KRT82: variants seen among roughly 807,000 people sequenced by gnomAD.
KRT82 encodes the protein keratin, type II cuticular Hb2.
A neutral mutation model predicts 48.0 loss-of-function variants in KRT82; 44 were observed. The ratio of observed to expected loss-of-function variants is 0.92; its 90% CI spans 0.72 to 1.18. KRT82 has a LOEUF of 1.18. KRT82 is among the 50% of genes most tolerant of loss of function. The probability of loss-of-function intolerance (pLI) is 0.00; values close to 1 mark genes in which losing one functional copy is unlikely to be tolerated. For synonymous variants in KRT82, 297 were observed against 278.3 expected (o/e 1.07, Z -0.67); for missense variants, 701 against 671.4 (o/e 1.04, Z -0.49).
At chr12:52,395,670 G>T in intron 8 of KRT82, 89 bp downstream of exon 8, 2 of 948,728 alleles carry the variant, frequency 2.1e-6, no homozygotes, top group South Asian at 1.6e-5. Context: ...AGGCATCAGA[G>T]GTCTAGGAAG....
Position 52,394,746 on chromosome 12 carries a change from C to T in KRT82, c.*229G>A. ...GCTCTTTCTCTGCCGTCTGTCCCCA[C>T]CATCTGGGCCTAGCTGAGGGTCTGC... On this transcript the variant is annotated 3_prime_UTR_variant, in exon 9 of 9. Coordinates refer to ENST00000257974, the MANE Select transcript of KRT82 (RefSeq NM_033033.4). 1 of 589,786 alleles carries T rather than the reference C, an allele frequency of 1.7e-6. No homozygotes were observed. Among genetic ancestry groups the T allele is most frequent in the East Asian group, 2.8e-5 (1 of 35,614 alleles). 36.5% of individuals were successfully genotyped at this position (589,786 alleles called of 1,614,324 possible).
chr12:52,394,945 G>T lies in KRT82; in HGVS notation c.*30C>A, dbSNP rs1434281267. On this transcript the variant is annotated 3_prime_UTR_variant, in exon 9 of 9. Coordinates refer to ENST00000257974, the MANE Select transcript of KRT82 (RefSeq NM_033033.4). ...GTGACATCCAGGGCCATGGGGCAGG[G>T]GCTCTGTCTCCTGGATGTCTCGGAT... 1 of 1,586,630 alleles carries T rather than the reference G, an allele frequency of 6.3e-7. No individual in the cohort carries two copies. The highest frequency in any genetic ancestry group is 8.7e-7 in the Non-Finnish European group (1 of 1,155,492).
intron 6 of KRT82, 135 bp from the exon 7 acceptor site, chr12:52,396,367 C>T: frequency 1.3e-6 from 1 of 781,330 alleles, no homozygotes; most frequent in South Asian, 1.8e-5. Context: ...ATTGCGACAT[C>T]TGGTTCCTCC....
In KRT82 at chr12:52,400,050, T is replaced by C; in HGVS notation, c.877A>G (p.Lys293Glu). 1 of 1,614,196 alleles carries C rather than the reference T, an allele frequency of 6.2e-7. No homozygotes were observed. Among genetic ancestry groups the C allele is most frequent in the South Asian group, 1.1e-5 (1 of 91,082 alleles). The change falls in exon 5 of 9, where the codon AAG becomes GAG. Residue 293 changes from lysine (K) to glutamate (E), a missense_variant. Lys to Glu is a moderately conservative substitution (Grantham distance 56, BLOSUM62 1). Transcript: ENST00000257974. ...LDVDGIIAEIKAQYDDIASRS... is the reference protein window; with the variant it reads ...LDVDGIIAEIEAQYDDIASRS... ...CTGGCGATGTCGTCATACTGCGCCT[T>C]GATCTCAGCGATGATGCCGTCCACG...
rs566803673 is a variant in KRT82, at chr12:52,401,391, G to A, written c.621-42C>T. ...GAAAAAATGCTTTAGTCGGGCTTGTGGATTTTGGAAGAGATCTTGGCATCA... is the reference window on the plus strand; with the variant it reads ...GAAAAAATGCTTTAGTCGGGCTTGTAGATTTTGGAAGAGATCTTGGCATCA... On this transcript the variant is annotated intron_variant, in intron 2 of 8. Transcript: ENST00000257974. 7 of 1,601,318 alleles carry A rather than the reference G, an allele frequency of 4.4e-6. No homozygotes were observed. The African/African-American group carries it at 8.0e-5, about 18-fold the overall frequency.
At chr12:52,395,288 T>C in intron 8 of KRT82, 93 bp from the exon 9 acceptor site, 3 of 994,644 alleles carry the variant, frequency 3.0e-6, no homozygotes, top group Non-Finnish European at 4.5e-6. Flanking sequence ...TCCTCCCACC[T>C]CCTGCCACTC....
At chr12:52,396,371 T>A in intron 6 of KRT82, 139 bp from the exon 7 acceptor site, 1 of 758,792 alleles carries the variant, frequency 1.3e-6, no homozygotes, top group Non-Finnish European at 2.1e-6. Flanking sequence ...CGACATCTGG[T>A]TCCTCCAGGG....
chr12:52,402,356 C>T (rs970816913), intron 2 of KRT82: 9 of 152,392 alleles, frequency 5.9e-5, no homozygotes, highest in Admixed American at 1.3e-4. Context: ...CTTAATCTCA[C>T]CTTGCTACTC....
chr12:52,400,841 T>C (rs1338680253), intron 3 of KRT82, among the ~76,000 whole-genome samples: 1 of 152,138 alleles, frequency 6.6e-6, no homozygotes, highest in Non-Finnish European at 1.5e-5. Context: ...GGGGCTTAAA[T>C]GAGCCTTAGC....
chr12:52,398,424 G>A (rs761865633), intron 5 of KRT82, among the ~76,000 whole-genome samples: 9 of 151,892 alleles, frequency 5.9e-5, no homozygotes, highest in Non-Finnish European at 1.3e-4. Context: ...GTGTCATCCT[G>A]GGCAGTCTAT....
In KRT82 at chr12:52,406,053, CAGGGTACCTCCACACCTGGAGGCT is replaced by C; in HGVS notation, c.201_224del (p.Ala68_Leu75del). 1 of 1,614,092 alleles carries C rather than the reference CAGGGTACCTCCACACCTGGAGGCT, an allele frequency of 6.2e-7. No individual in the cohort carries two copies. ...CTCCCAGTCGGTACCCGAAGCCAGG[CAGGGTACCTCCACACCTGGAGGCT>C]ACCCGGGGCCTCCCAAAGCCCACGT... On this transcript the variant is annotated inframe_deletion, in exon 1 of 9. Transcript: ENST00000257974.
chr12:52,395,807 A>G lies in KRT82; in HGVS notation c.1290-17T>C. On this transcript the variant is annotated splice_polypyrimidine_tract_variant and intron_variant, in intron 7 of 8. Coordinates refer to ENST00000257974, the MANE Select transcript of KRT82 (RefSeq NM_033033.4). ...TCGCACAGCCTGGGGATGAGAGGAA[A>G]AAGAAAACAGGTATCTACATCAAAC... The G allele has an allele frequency of 1.3e-6, 2 of 1,541,058 alleles. No individual in the cohort carries two copies. The highest frequency in any genetic ancestry group is 1.7e-6 in the Non-Finnish European group (2 of 1,144,340).
At chr12:52,404,793 A>T (rs1939831584) in intron 1 of KRT82, among the ~76,000 whole-genome samples, 1 of 152,254 alleles carries the variant, frequency 6.6e-6, no homozygotes, top group African/African-American at 2.4e-5. Context: ...ATAAAACTGT[A>T]AGTTTGACTA....
intron 8 of KRT82, among the ~76,000 whole-genome samples, 190 bp from the exon 9 acceptor site, chr12:52,395,385 C>A (rs528776655): frequency 2.6e-5 from 4 of 152,298 alleles, no homozygotes; most frequent in Non-Finnish European, 5.9e-5. Flanking sequence ...CCATGCACCT[C>A]TCTCCTTTCC....
chr12:52,399,883 A>G, intron 5 of KRT82, 102 bp downstream of exon 5: 1 of 1,242,030 alleles, frequency 8.1e-7, no homozygotes, highest in Non-Finnish European at 1.1e-6. Flanking sequence ...CGTGGCTCTC[A>G]TTAGCTCCTC....
At position 52,396,998 on chromosome 12, in the gene KRT82, A is replaced by C. The variant is rs1455983989; in HGVS notation, c.953T>G (p.Leu318Arg). Reference protein sequence around the residue: ...EAWYQCRYEELRVTAGNHCDN... With the variant: ...EAWYQCRYEERRVTAGNHCDN... ...ACAGTGGTTCCCAGCTGTGACTCTC[A>C]GCTCCTCATACTGCCAGGACAGAGA... The change falls in exon 6 of 9, where the codon CTG becomes CGG. Residue 318 changes from leucine (L) to arginine (R), a missense_variant. By Grantham distance (102) the Leu-to-Arg change is moderately radical. Transcript: ENST00000257974. The C allele has an allele frequency of 6.2e-7, 1 of 1,613,826 alleles. No individual in the cohort carries two copies. Among genetic ancestry groups the C allele is most frequent in the Admixed American group, 1.7e-5 (1 of 60,020 alleles).
chr12:52,396,818 A>G, intron 6 of KRT82, 65 bp downstream of exon 6: 1 of 1,597,782 alleles, frequency 6.3e-7, no homozygotes, highest in African/African-American at 1.3e-5. Flanking sequence ...CCCGCCCTGC[A>G]CGGCACAGAC....
intron 1 of KRT82, among the ~76,000 whole-genome samples, chr12:52,405,409 C>G (rs182497657): frequency 8.0e-4 from 122 of 152,280 alleles, no homozygotes; most frequent in Middle Eastern, 3.4e-3. Context: ...TCCTCTCATC[C>G]CAGGCCTAAA....
In KRT82 at chr12:52,394,304, G is replaced by A. The variant is rs1791636; in HGVS notation, c.*671C>T. On this transcript the variant is annotated 3_prime_UTR_variant, in exon 9 of 9. Coordinates refer to ENST00000257974, the MANE Select transcript of KRT82 (RefSeq NM_033033.4). ...CCTTTGCCCTTTGTTCTAGGCATTG[G>A]CCTGACATCACCTGCCAATGTGAGC... is the stretch of plus-strand genomic sequence containing the variant. The A allele has an allele frequency of 0.034, 5,191 of 152,952 alleles. 309 individuals are homozygous for A. The highest frequency in any genetic ancestry group is 0.12 in the African/African-American group (4,903 of 41,524). The allele number at this position is 152,952 out of a possible 1,614,324, so 9.5% of individuals were successfully genotyped here. A position where few individuals can be genotyped will look rare whatever the true frequency, so the allele number is the denominator to read the frequency against.
Sources: gnomAD v4.1 joint callset for allele counts (sites outside exome capture counted in the v4.1 genomes callset) on GRCh38, gnomAD v4.1.1 for gene constraint, MANE v1.5 for transcripts, NCBI Gene and HGNC (gene_info 2026-07-23, HGNC 2026-07-21) for gene names.